Variants in ABLIM2 observed in about 807,000 individuals in gnomAD.
The protein encoded by ABLIM2 is actin-binding LIM protein 2.
Under a neutral mutation model 97.7 loss-of-function variants are expected in ABLIM2, and 53 were observed. The observed-to-expected ratio is 0.54, with a 90% confidence interval of 0.44 to 0.68. The LOEUF is 0.68. ABLIM2 is among the 30% of genes least tolerant of loss of function. ABLIM2 has a pLI of 0.00. For missense variants in ABLIM2, 835 were observed against 867.2 expected (o/e 0.96, Z 0.47); for synonymous variants, 361 against 345.8 (o/e 1.04, Z -0.49).
At position 8,132,907 on chromosome 4, in the gene ABLIM2, A is replaced by G. The variant is rs1554120262; in HGVS notation, c.10+25773T>C. Among the ~76,000 whole-genome samples the G allele has an allele frequency of 6.6e-6, 1 of 152,054 alleles. No homozygotes were observed. Among genetic ancestry groups the G allele is most frequent in the Non-Finnish European group, 1.5e-5 (1 of 67,988 alleles). ...TGGCATCTTTGTTCCCCAGTTCCTG[A>G]CTCGATGGGTGTCCCGTGGCTGCTG... On this transcript the variant is annotated intron_variant, in intron 1 of 20. Coordinates refer to ENST00000447017, the MANE Select transcript of ABLIM2 (RefSeq NM_001130083.2). The surrounding 1 kb of genome is among the most constrained non-coding windows in gnomAD (Gnocchi z 8.0).
At chr4:8,135,460 G>T (rs1850053573) in intron 1 of ABLIM2, among the ~76,000 whole-genome samples, 1 of 152,224 alleles carries the variant, frequency 6.6e-6, no homozygotes, top group South Asian at 2.1e-4. Flanking sequence ...TAGTTCATGA[G>T]TGTGGAAGCT....
Position 8,054,355 on chromosome 4 carries a change from G to T in ABLIM2, c.764-109C>A. On this transcript the variant is annotated intron_variant, in intron 7 of 20. Transcript: ENST00000447017. The surrounding 1 kb of genome is among the most constrained non-coding windows in gnomAD (Gnocchi z 4.9). ...TGGTCCATGCACAGACGTGCACTCG[G>T]ACTCCACCCTCCAAGCGGCCCTGAG... The T allele has an allele frequency of 1.7e-6, 2 of 1,174,882 alleles. No individual in the cohort carries two copies. The highest frequency in any genetic ancestry group is 2.5e-6 in the Non-Finnish European group (2 of 804,478). 72.8% of individuals were successfully genotyped at this position (1,174,882 alleles called of 1,614,324 possible).
intron 5 of ABLIM2, among the ~76,000 whole-genome samples, chr4:8,079,982 A>C (rs1353865217): frequency 2.6e-5 from 4 of 152,128 alleles, no homozygotes; most frequent in Non-Finnish European, 5.9e-5. Flanking sequence ...CCTCACCTGC[A>C]CCATGCGGAA....
At position 8,128,256 on chromosome 4, in the gene ABLIM2, C is replaced by G. The variant is rs541308177; in HGVS notation, c.11-21619G>C. Among the ~76,000 whole-genome samples the G allele has an allele frequency of 2.6e-5, 4 of 152,336 alleles. No homozygotes were observed. The highest frequency in any genetic ancestry group is 9.6e-5 in the African/African-American group (4 of 41,576). ...CACTGCATTTGGGGTCCGCCCTCAT[C>G]CACAATGACCTCATCTCCATCTTTA... is the stretch of plus-strand genomic sequence containing the variant. On this transcript the variant is annotated intron_variant, in intron 1 of 20. Transcript: ENST00000447017. This position sits in a 1 kb window ranked among gnomAD's most constrained non-coding sequence, Gnocchi z 4.9.
chr4:8,147,287 C>T lies in ABLIM2; in HGVS notation c.10+11393G>A, dbSNP rs1851959636. 6.6e-6 allele frequency among the ~76,000 whole-genome samples: 1 copy of T among 152,160 alleles called. No homozygotes were observed. The highest frequency in any genetic ancestry group is 2.4e-5 in the African/African-American group (1 of 41,422). On this transcript the variant is annotated intron_variant, in intron 1 of 20. Coordinates refer to ENST00000447017, the MANE Select transcript of ABLIM2 (RefSeq NM_001130083.2). This position sits in a 1 kb window ranked among gnomAD's most constrained non-coding sequence, Gnocchi z 5.3. ...TATCCTATGAGAAGTCATTCTCACT[C>T]TCTCATCCATCCTAGAGACTCCACA...
At chr4:8,142,290 C>T (rs927627562) in intron 1 of ABLIM2, among the ~76,000 whole-genome samples, 13 of 152,202 alleles carry the variant, frequency 8.5e-5, no homozygotes, top group African/African-American at 2.7e-4. Flanking sequence ...CAGCTGGTCT[C>T]TCCTGCTGCC....
chr4:7,984,054 G>A (rs1741279183), intron 18 of ABLIM2, among the ~76,000 whole-genome samples: 1 of 152,212 alleles, frequency 6.6e-6, no homozygotes, highest in African/African-American at 2.4e-5. Context: ...CTTCCAGACT[G>A]AAAGCGTCTT....
chr4:8,130,389 T>C lies in ABLIM2; in HGVS notation c.11-23752A>G, dbSNP rs1468213718. 6.6e-6 allele frequency among the ~76,000 whole-genome samples: 1 copy of C among 152,130 alleles called. No individual in the cohort carries two copies. The highest frequency in any genetic ancestry group is 2.4e-5 in the African/African-American group (1 of 41,430). On this transcript the variant is annotated intron_variant, in intron 1 of 20. Coordinates refer to ENST00000447017, the MANE Select transcript of ABLIM2 (RefSeq NM_001130083.2). The surrounding 1 kb of genome is among the most constrained non-coding windows in gnomAD (Gnocchi z 4.2). ...CATGTGGAGAGGTTGGCCTTCTGAG[T>C]CCTGCCTGGGCCCTCAGGGTCCTCT...
rs2151304479 is a variant in ABLIM2 at position 8,032,639 on chromosome 4, G to T, written c.1048-2863C>A. On this transcript the variant is annotated intron_variant, in intron 10 of 20. Transcript: ENST00000447017. The surrounding 1 kb of genome is among the most constrained non-coding windows in gnomAD (Gnocchi z 4.3). ...GGCAAGCGGGGACAGGCGAGAGGGTGGTGGTTACCTCGGTCGGCGTTGGCG... is the reference window on the plus strand; with the variant it reads ...GGCAAGCGGGGACAGGCGAGAGGGTTGTGGTTACCTCGGTCGGCGTTGGCG... The T allele has an allele frequency of 1.2e-6, 2 of 1,612,500 alleles. No individual in the cohort carries two copies. Among genetic ancestry groups the T allele is most frequent in the East Asian group, 4.5e-5 (2 of 44,854 alleles).
At chr4:8,102,204 T>A (rs1024627043) in intron 2 of ABLIM2, among the ~76,000 whole-genome samples, 1 of 152,196 alleles carries the variant, frequency 6.6e-6, no homozygotes, top group Non-Finnish European at 1.5e-5. Context: ...TCCTGCTGTT[T>A]CCCAAGCCTG....
At chr4:8,157,278 C>T (rs1017722754) in intron 1 of ABLIM2, among the ~76,000 whole-genome samples, 1 of 152,108 alleles carries the variant, frequency 6.6e-6, no homozygotes, top group African/African-American at 2.4e-5. Flanking sequence ...CCACAGGTAT[C>T]AATTATGGCC....
At chr4:8,007,638 C>A (rs1054035940) in intron 16 of ABLIM2, 2 of 995,278 alleles carry the variant, frequency 2.0e-6, no homozygotes, top group Non-Finnish European at 2.4e-6. Flanking sequence ...CAGGATGAGT[C>A]ACAGGGGACA....
chr4:8,088,333 T>C (rs751834498), intron 3 of ABLIM2, 49 bp from the exon 4 acceptor site: 6 of 1,450,948 alleles, frequency 4.1e-6, no homozygotes, highest in African/African-American at 1.4e-5. Context: ...CTGGCTCCTC[T>C]CTGGGGGAGC....
rs1191752205 is a variant in ABLIM2 at position 8,005,140 on chromosome 4, C to T, written c.1618+2919G>A. Among the ~76,000 whole-genome samples the T allele has an allele frequency of 6.6e-6, 1 of 152,294 alleles. No individual in the cohort carries two copies. The highest frequency in any genetic ancestry group is 1.9e-4 in the East Asian group (1 of 5,174). On this transcript the variant is annotated intron_variant, in intron 16 of 20. Coordinates refer to ENST00000447017, the MANE Select transcript of ABLIM2 (RefSeq NM_001130083.2). This position sits in a 1 kb window ranked among gnomAD's most constrained non-coding sequence, Gnocchi z 4.9. ...GGGTGAGATGAGTTTGTGATCGGGC[C>T]CTTGCGAAGCCAAAGAGGTGCCCGG...
intron 3 of ABLIM2, among the ~76,000 whole-genome samples, chr4:8,092,190 GT>G (rs1370067121): frequency 4.0e-5 from 6 of 151,536 alleles, no homozygotes; most frequent in Non-Finnish European, 7.4e-5. Context: ...TAGAGATGGG[GT>G]TTCACCATGT....
At chr4:8,076,197 C>A (rs1339061516) in intron 6 of ABLIM2, among the ~76,000 whole-genome samples, 1 of 152,224 alleles carries the variant, frequency 6.6e-6, no homozygotes, top group African/African-American at 2.4e-5. Flanking sequence ...CCACCCGTCT[C>A]CCCGCCAGGT....
intron 8 of ABLIM2, among the ~76,000 whole-genome samples, chr4:8,049,351 G>C (rs61702167): frequency 0.08 from 12,166 of 152,270 alleles, 506 homozygotes; most frequent in East Asian, 0.18. Flanking sequence ...CCTCCGCTGA[G>C]CACCCTGGCC....
At chr4:8,121,135 CTGTTTT>C (rs1845230417) in intron 1 of ABLIM2, among the ~76,000 whole-genome samples, 1 of 152,228 alleles carries the variant, frequency 6.6e-6, no homozygotes, top group Non-Finnish European at 1.5e-5. Context: ...TTCCCCGAGC[CTGTTTT>C]CCATCTGCAA....
At chr4:8,136,296 G>A (rs1308681633) in intron 1 of ABLIM2, among the ~76,000 whole-genome samples, 2 of 152,190 alleles carry the variant, frequency 1.3e-5, no homozygotes, top group Non-Finnish European at 2.9e-5. Context: ...GGGAGTTAGT[G>A]TTGAAGGGGG....
Sources: gnomAD v4.1 joint callset for allele counts (sites outside exome capture counted in the v4.1 genomes callset) on GRCh38, gnomAD v4.1.1 for gene constraint, Gnocchi (gnomAD v3.1) non-coding constraint, MANE v1.5 for transcripts, NCBI Gene and HGNC (gene_info 2026-07-23, HGNC 2026-07-21) for gene names.